SERPINB13: variants seen among roughly 807,000 people sequenced by gnomAD.
SERPINB13 encodes the protein serpin B13.
Under a neutral mutation model 31.2 loss-of-function variants are expected in SERPINB13, and 26 were observed. That is an observed-to-expected ratio of 0.83 (90% confidence interval 0.61 to 1.15). The LOEUF (loss-of-function observed/expected upper bound fraction) is 1.15, where lower values mean the gene tolerates loss of function less well. Among genes scored for constraint, SERPINB13 ranks in the 50% most tolerant of loss-of-function variants. The pLI, the probability that SERPINB13 is intolerant of heterozygous loss-of-function variation, is 0.00. For missense variants in SERPINB13, 510 were observed against 469.4 expected (o/e 1.09, Z -0.80); for synonymous variants, 191 against 172.4 (o/e 1.11, Z -0.85).
chr18:63,592,822 C>T (rs1290553059), intron 4 of SERPINB13, 32 bp from the exon 5 acceptor site: 1 of 1,375,606 alleles, frequency 7.3e-7, no homozygotes, highest in African/African-American at 1.5e-5. Flanking sequence ...AGTTTTTAAC[C>T]TCTTTTTATT....
At chr18:63,594,933 T>G in intron 6 of SERPINB13, 96 bp from the exon 7 acceptor site, 3 of 1,147,630 alleles carry the variant, frequency 2.6e-6, no homozygotes, top group Non-Finnish European at 3.7e-6. Flanking sequence ...GGTTTTATTT[T>G]AGATTGAGCT....
intron 7 of SERPINB13, among the ~76,000 whole-genome samples, chr18:63,596,272 A>G (rs1392424572): frequency 2.0e-5 from 3 of 152,214 alleles, no homozygotes; most frequent in African/African-American, 7.2e-5. Flanking sequence ...AAATAGCAAT[A>G]TGTCTGAGAG....
In SERPINB13 at chr18:63,598,864, C is replaced by G. The variant is rs570296598; in HGVS notation, c.*1501C>G. On this transcript the variant is annotated 3_prime_UTR_variant, in exon 8 of 8. Coordinates refer to ENST00000344731, the MANE Select transcript of SERPINB13 (RefSeq NM_012397.4). ...GTTTTCCAACGTGACATTTTATATT[C>G]CCACCAGGAATGTTTAAAACTAGTG... is the stretch of plus-strand genomic sequence containing the variant. 12 of 152,112 alleles carry G rather than the reference C, an allele frequency of 7.9e-5. No individual in the cohort carries two copies. Among genetic ancestry groups the G allele is most frequent in the Admixed American group, 2.0e-4 (3 of 15,272 alleles). The allele number at this position is 152,112 out of a possible 1,614,324, so 9.4% of individuals were successfully genotyped here.
chr18:63,592,404 C>A lies in SERPINB13; in HGVS notation c.282C>A (p.Ser94Arg), dbSNP rs753034887. Residue 94 changes from serine (S) to arginine (R), a missense_variant, in exon 4 of 8, where the codon AGC (serine) becomes AGA (arginine). Physicochemically the swap from Ser to Arg is moderately radical, Grantham distance 110 (BLOSUM62 -1). Coordinates refer to ENST00000344731, the MANE Select transcript of SERPINB13 (RefSeq NM_012397.4). The part of the protein sequence containing the change: ...QQFQKFLTEI[S>R]KLTNDYELNI... ...TCCAAAAGTTTTTGACTGAAATAAGCAAACTCACTAATGATTATGAACTGA... is the reference window on the plus strand; with the variant it reads ...TCCAAAAGTTTTTGACTGAAATAAGAAAACTCACTAATGATTATGAACTGA... The A allele has an allele frequency of 8.1e-6, 13 of 1,612,816 alleles. No homozygotes were observed. In the South Asian group the frequency reaches 8.8e-5, roughly 11 times the overall value.
chr18:63,590,922 T>C (rs1211350768), intron 3 of SERPINB13, among the ~76,000 whole-genome samples: 1 of 152,234 alleles, frequency 6.6e-6, no homozygotes, highest in African/African-American at 2.4e-5. Context: ...AGAGACTGGC[T>C]TGGCATGTAC....
Position 63,594,273 on chromosome 18 carries a change from A to G in SERPINB13, c.473-82A>G, listed in dbSNP as rs117476956. ...TGGCTGGGTTTTTAATGATCAGTCA[A>G]GTCCATCTGCATCATATTTGTCATA... On this transcript the variant is annotated intron_variant, in intron 5 of 7. Transcript: ENST00000344731. The G allele has an allele frequency of 5.8e-4, 916 of 1,589,682 alleles. 7 individuals are homozygous for G. In the East Asian group the frequency reaches 0.017, roughly 29 times the overall value.
intron 2 of SERPINB13, 45 bp downstream of exon 2, chr18:63,588,877 C>A: frequency 6.6e-7 from 1 of 1,507,932 alleles, no homozygotes; most frequent in South Asian, 1.2e-5. Flanking sequence ...TGCACAAATT[C>A]ATTTGGCGGG....
chr18:63,593,916 AAC>A (rs1041874211), intron 5 of SERPINB13: 10 of 453,732 alleles, frequency 2.2e-5, no homozygotes, highest in African/African-American at 1.6e-4. Context: ...CATAATAGCT[AAC>A]ACAGAGTGCT....
intron 1 of SERPINB13, 34 bp downstream of exon 1, chr18:63,587,484 C>T (rs199642223): frequency 5.7e-4 from 268 of 466,938 alleles, no homozygotes; most frequent in Non-Finnish European, 1.1e-3. Context: ...TTTAAGACCT[C>T]TGTATTTTGA....
rs1912330779 is a variant in SERPINB13 at position 63,598,720 on chromosome 18, T to C, written c.*1357T>C. On this transcript the variant is annotated 3_prime_UTR_variant, in exon 8 of 8. Transcript: ENST00000344731. Reference sequence around the variant, plus strand: ...GTTAGGAATAATGTTGCTCTGAACATGTAAATAAAGATCTTTGTGTTCACA... The same window carrying C: ...GTTAGGAATAATGTTGCTCTGAACACGTAAATAAAGATCTTTGTGTTCACA... The C allele has an allele frequency of 6.6e-6, 1 of 152,210 alleles. No homozygotes were observed. The highest frequency in any genetic ancestry group is 2.1e-4 in the South Asian group (1 of 4,836). The allele number at this position is 152,210 out of a possible 1,614,324, so 9.4% of individuals were successfully genotyped here.
In SERPINB13 at chr18:63,592,872, GAA is replaced by G. The variant is rs749807351; in HGVS notation, c.377_378del (p.Lys126IlefsTer10). On this transcript the variant is annotated frameshift_variant, in exon 5 of 8. Transcript: ENST00000344731. LOFTEE classifies it high-confidence loss of function. ...CCTAAAGAAATACTTAGATTATGTT[GAA>G]AAATATTATCATGCATCTCTGGAAC... ...LFLQKYLDYV[E>X]KYYHASLEPV... is the part of the protein sequence containing the mutation. 5 of 1,598,472 alleles carry G rather than the reference GAA, an allele frequency of 3.1e-6. No homozygotes were observed. The highest frequency in any genetic ancestry group is 4.3e-6 in the Non-Finnish European group (5 of 1,172,024).
In SERPINB13 at chr18:63,592,957, A is replaced by C; in HGVS notation, c.458A>C (p.Glu153Ala). 1 of 1,606,626 alleles carries C rather than the reference A, an allele frequency of 6.2e-7. No homozygotes were observed. The highest frequency in any genetic ancestry group is 8.5e-7 in the Non-Finnish European group (1 of 1,175,470). ...CGAAAGAAGATTAATTCCTGGGTTG[A>C]AAGCAAAACAAATGGTAGAGTATGG... ...ESRKKINSWV[E>A]SKTNEKIKDL... Residue 153 changes from glutamate to alanine, a missense_variant, in exon 5 of 8, where the codon GAA (glutamate) becomes GCA (alanine). Coordinates refer to ENST00000344731, the MANE Select transcript of SERPINB13 (RefSeq NM_012397.4).
chr18:63,590,064 A>T (rs1363799112), intron 3 of SERPINB13: 1 of 203,798 alleles, frequency 4.9e-6, no homozygotes, highest in Non-Finnish European at 9.8e-6. Flanking sequence ...CTTAAGAGCG[A>T]TGCTACTTTG....
At position 63,595,052 on chromosome 18, in the gene SERPINB13, G is replaced by T; in HGVS notation, c.639G>T (p.Met213Ile). Residue 213 changes from methionine (M) to isoleucine (I), a missense_variant, in exon 7 of 8, where the codon ATG (methionine) becomes ATT (isoleucine). Physicochemically the swap from Met to Ile is conservative, Grantham distance 10. Coordinates refer to ENST00000344731, the MANE Select transcript of SERPINB13 (RefSeq NM_012397.4). ...MNKSTSKSVQ[M>I]MTQSHSFSFT... ...AGAGCACAAGTAAATCTGTACAGAT[G>T]ATGACACAGAGCCATTCCTTTAGCT... The T allele has an allele frequency of 1.2e-6, 2 of 1,613,622 alleles. No homozygotes were observed. Among genetic ancestry groups the T allele is most frequent in the Middle Eastern group, 1.6e-4 (1 of 6,062 alleles).
intron 2 of SERPINB13, 61 bp from the exon 3 acceptor site, chr18:63,589,595 T>C: frequency 6.3e-7 from 1 of 1,585,966 alleles, no homozygotes; most frequent in Non-Finnish European, 8.6e-7. Context: ...CTCCCCTGAC[T>C]GATTCTGTGT....
In SERPINB13 at chr18:63,592,323, T is replaced by G. The variant is rs376912610; in HGVS notation, c.226-25T>G. On this transcript the variant is annotated intron_variant, in intron 3 of 7. Transcript: ENST00000344731. ...GGCTTGCTTTTGCCAAGATAACCTG[T>G]TGAGATTTTGTTTTAATTTTCAAGA... is the stretch of plus-strand genomic sequence containing the variant. 1.9e-5 allele frequency: 30 copies of G among 1,600,622 alleles called. 1 individual carries two copies. The South Asian group carries it at 2.8e-4, about 15-fold the overall frequency.
At chr18:63,592,805 T>G (rs1316239421) in intron 4 of SERPINB13, 49 bp from the exon 5 acceptor site, 1 of 1,187,446 alleles carries the variant, frequency 8.4e-7, no homozygotes, top group Non-Finnish European at 1.2e-6. Context: ...TGGCAATTGA[T>G]AAATTGAGTT....
At chr18:63,592,097 GT>G (rs1175578880) in intron 3 of SERPINB13, among the ~76,000 whole-genome samples, 1 of 152,162 alleles carries the variant, frequency 6.6e-6, no homozygotes, top group Admixed American at 6.5e-5. Flanking sequence ...CACAACTTGA[GT>G]TATAAATGCA....
chr18:63,589,565 T>G (rs1804750943), intron 2 of SERPINB13, 91 bp from the exon 3 acceptor site: 2 of 1,505,724 alleles, frequency 1.3e-6, no homozygotes, highest in Non-Finnish European at 1.8e-6. Context: ...CCACCGAGGT[T>G]TCTTTCAGAA....
Sources: allele counts gnomAD v4.1 joint callset (sites outside exome capture counted in the v4.1 genomes callset), GRCh38; gene constraint gnomAD v4.1.1; transcripts MANE v1.5; gene names NCBI Gene and HGNC (gene_info 2026-07-23, HGNC 2026-07-21).